Variants in CD200R1 observed in about 807,000 individuals in gnomAD.
CD200R1 encodes the protein cell surface glycoprotein CD200 receptor 1.
Under a neutral mutation model 38.1 loss-of-function variants are expected in CD200R1, and 30 were observed. The observed-to-expected ratio is 0.79, with a 90% CI of 0.59 to 1.07. The LOEUF (loss-of-function observed/expected upper bound fraction) is 1.07, where lower values mean the gene tolerates loss of function less well. CD200R1 is among the 50% of genes least tolerant of loss of function. The probability of loss-of-function intolerance (pLI) is 0.00; values close to 1 mark genes in which losing one functional copy is unlikely to be tolerated. For synonymous variants in CD200R1, 128 were observed against 152.1 expected, an observed-to-expected ratio of 0.84 and a Z score of 1.16; for missense variants, 372 against 415.4, an observed-to-expected ratio of 0.90 and a Z score of 0.91.
chr3:112,930,423 CCAATTAT>C (rs1413355898), intron 3 of CD200R1, among the ~76,000 whole-genome samples: 1 of 152,140 alleles, frequency 6.6e-6, no homozygotes, highest in African/African-American at 2.4e-5. Flanking sequence ...TATATTCAAT[CCAATTAT>C]CAACACTAAA....
At chr3:112,940,543 A>G (rs188152766) in intron 2 of CD200R1, among the ~76,000 whole-genome samples, 1 of 152,064 alleles carries the variant, frequency 6.6e-6, no homozygotes, top group East Asian at 1.9e-4. Context: ...GTTAACAAAT[A>G]CATGAAAAAG....
At chr3:112,966,798 T>C (rs1385361251) in intron 1 of CD200R1, among the ~76,000 whole-genome samples, 1 of 152,118 alleles carries the variant, frequency 6.6e-6, no homozygotes, top group Non-Finnish European at 1.5e-5. Flanking sequence ...CCCTTCTAGC[T>C]AGGATCCCTT....
At chr3:112,963,122 G>A (rs1933064603) in intron 1 of CD200R1, among the ~76,000 whole-genome samples, 1 of 152,284 alleles carries the variant, frequency 6.6e-6, no homozygotes, top group Non-Finnish European at 1.5e-5. Flanking sequence ...ATTATTGTGA[G>A]GCCTTCCCAG....
rs751912264 is a variant in CD200R1 at position 112,923,778 on chromosome 3, T to C, written c.946A>G (p.Ser316Gly). Residue 316 changes from serine to glycine, a missense_variant, in exon 8 of 8, where the codon AGC becomes GGC. Coordinates refer to ENST00000308611, the MANE Select transcript of CD200R1 (RefSeq NM_138806.4). ...VEEDEMQPYASYTEKNNPLYD... is the reference protein window; with the variant it reads ...VEEDEMQPYAGYTEKNNPLYD... ...AGAGGATTGTTCTTCTCTGTGTAGC[T>C]GGCATAGGGCTGCATTTCATCCTAA... The C allele has an allele frequency of 2.5e-6, 4 of 1,603,540 alleles. No homozygotes were observed. Among genetic ancestry groups the C allele is most frequent in the South Asian group, 2.2e-5 (2 of 89,806 alleles).
At chr3:112,969,281 C>T (rs934958413) in intron 1 of CD200R1, among the ~76,000 whole-genome samples, 2 of 151,976 alleles carry the variant, frequency 1.3e-5, no homozygotes, top group Admixed American at 6.6e-5. Context: ...ATCAAAAGAA[C>T]AGAGAGACAA....
chr3:112,962,305 A>ACAC (rs1312329598), intron 1 of CD200R1, among the ~76,000 whole-genome samples: 1 of 152,186 alleles, frequency 6.6e-6, no homozygotes, highest in Non-Finnish European at 1.5e-5. Flanking sequence ...CACAAAGGAC[A>ACAC]ATACATTCAA....
intron 2 of CD200R1, among the ~76,000 whole-genome samples, chr3:112,934,327 G>A (rs1940523959): frequency 6.6e-6 from 1 of 151,676 alleles, no homozygotes; most frequent in Admixed American, 6.6e-5. Flanking sequence ...AAAATGGAGT[G>A]ATACATTCAA....
intron 1 of CD200R1, among the ~76,000 whole-genome samples, chr3:112,971,889 A>T (rs1933318994): frequency 1.3e-5 from 2 of 151,996 alleles, no homozygotes; most frequent in Admixed American, 1.3e-4. Context: ...CATTTATCCA[A>T]ACCTGTCATT....
intron 1 of CD200R1, among the ~76,000 whole-genome samples, chr3:112,962,526 A>T (rs1168580856): frequency 6.6e-6 from 1 of 152,162 alleles, no homozygotes; most frequent in Non-Finnish European, 1.5e-5. Flanking sequence ...ACCACAAAAT[A>T]TCATTAAATT....
At position 112,923,881 on chromosome 3, in the gene CD200R1, T is replaced by G. The variant is rs146472135; in HGVS notation, c.925-82A>C. On this transcript the variant is annotated intron_variant, in intron 7 of 7. Coordinates refer to ENST00000308611, the MANE Select transcript of CD200R1 (RefSeq NM_138806.4). Reference sequence around the variant, plus strand: ...TATTTTTGTAACAGTTGCCCATAGCTTTAGTATTTCTAACAGGTGCTCAAG... The same window carrying G: ...TATTTTTGTAACAGTTGCCCATAGCGTTAGTATTTCTAACAGGTGCTCAAG... 108 of 839,572 alleles carry G rather than the reference T, an allele frequency of 1.3e-4. 2 individuals carry two copies. In the African/African-American group the frequency reaches 1.4e-3, roughly 11 times the overall value. 52.0% of individuals were successfully genotyped at this position (839,572 alleles called of 1,614,324 possible). A position where few individuals can be genotyped will look rare whatever the true frequency, so the allele number is the denominator to read the frequency against.
At chr3:112,925,959 C>A (rs929928888) in intron 5 of CD200R1, among the ~76,000 whole-genome samples, 1 of 152,078 alleles carries the variant, frequency 6.6e-6, no homozygotes, top group Non-Finnish European at 1.5e-5. Context: ...AAGACATCAC[C>A]TTATATCAGG....
At chr3:112,935,969 G>T (rs1310405715) in intron 2 of CD200R1, among the ~76,000 whole-genome samples, 1 of 151,990 alleles carries the variant, frequency 6.6e-6, no homozygotes, top group Non-Finnish European at 1.5e-5. Context: ...CCCTCTGACA[G>T]GCTCCAGTGT....
Position 112,924,491 on chromosome 3 carries a change from T to C in CD200R1, c.923A>G (p.Glu308Gly). 1 of 1,340,448 alleles carries C rather than the reference T, an allele frequency of 7.5e-7. No homozygotes were observed. The highest frequency in any genetic ancestry group is 9.8e-7 in the Non-Finnish European group (1 of 1,021,904). 83.0% of individuals were successfully genotyped at this position (1,340,448 alleles called of 1,614,324 possible). The change falls in exon 7 of 8, where the codon GAG (glutamate) becomes GGG (glycine). Residue 308 changes from glutamate to glycine, a missense_variant and splice_region_variant. Transcript: ENST00000308611. Reference sequence around the variant, plus strand: ...TTAGTCTTTTTTATCTTATCTTACCTCCTCAACAACTGGAGTAGATTCTGT... The same window carrying C: ...TTAGTCTTTTTTATCTTATCTTACCCCCTCAACAACTGGAGTAGATTCTGT... The part of the protein sequence containing the change: ...NKTESTPVVE[E>G]DEMQPYASYT...
At chr3:112,934,916 T>C (rs973845864) in intron 2 of CD200R1, among the ~76,000 whole-genome samples, 1 of 151,814 alleles carries the variant, frequency 6.6e-6, no homozygotes, top group Non-Finnish European at 1.5e-5. Context: ...AAAAAAGACA[T>C]GCAAACAGAA....
At chr3:112,964,564 C>G (rs994840394) in intron 1 of CD200R1, among the ~76,000 whole-genome samples, 1 of 152,214 alleles carries the variant, frequency 6.6e-6, no homozygotes, top group Non-Finnish European at 1.5e-5. Context: ...ACCAATTTCT[C>G]CCATTTGGAA....
At position 112,921,791 on chromosome 3, in the gene CD200R1, T is replaced by C. The variant is rs992883074; in HGVS notation, c.*1886A>G. The C allele has an allele frequency of 6.6e-6, 1 of 152,102 alleles. No individual in the cohort carries two copies. The highest frequency in any genetic ancestry group is 2.4e-5 in the African/African-American group (1 of 41,436). 9.4% of individuals were successfully genotyped at this position (152,102 alleles called of 1,614,324 possible). On this transcript the variant is annotated 3_prime_UTR_variant, in exon 8 of 8. Transcript: ENST00000308611. ...TTTCTGTACAATATAATTTAACTTC[T>C]ATAAATTATCTTGAAGTCTTTTCTA...
At chr3:112,974,008 C>G (rs916788664) in intron 1 of CD200R1, among the ~76,000 whole-genome samples, 1 of 152,118 alleles carries the variant, frequency 6.6e-6, no homozygotes, top group Non-Finnish European at 1.5e-5. Flanking sequence ...AGACGCACCA[C>G]TGTAACTGTA....
At chr3:112,929,917 TCTC>T (rs1370491746) in intron 3 of CD200R1, among the ~76,000 whole-genome samples, 2 of 152,144 alleles carry the variant, frequency 1.3e-5, no homozygotes, top group African/African-American at 2.4e-5. Flanking sequence ...GATGTGGCTG[TCTC>T]CTCCTCAGCT....
At position 112,923,667 on chromosome 3, in the gene CD200R1, G is replaced by C. The variant is rs745423511; in HGVS notation, c.*10C>G. 13 of 1,332,300 alleles carry C rather than the reference G, an allele frequency of 9.8e-6. No individual in the cohort carries two copies. In the African/African-American group the frequency reaches 1.6e-4, roughly 17 times the overall value. 82.5% of individuals were successfully genotyped at this position (1,332,300 alleles called of 1,614,324 possible). On this transcript the variant is annotated 3_prime_UTR_variant, in exon 8 of 8. Coordinates refer to ENST00000308611, the MANE Select transcript of CD200R1 (RefSeq NM_138806.4). Reference sequence around the variant, plus strand: ...TTTGTTGTTGTTTCTTGGTACTAGAGTCCAACAACTTATAAAGTATGGAGG... The same window carrying C: ...TTTGTTGTTGTTTCTTGGTACTAGACTCCAACAACTTATAAAGTATGGAGG...
Sources: gnomAD v4.1 joint callset for allele counts (sites outside exome capture counted in the v4.1 genomes callset) on GRCh38, gnomAD v4.1.1 for gene constraint, MANE v1.5 for transcripts, NCBI Gene and HGNC (gene_info 2026-07-23, HGNC 2026-07-21) for gene names.